Variants in NRXN3 observed in about 807,000 individuals in gnomAD.
The protein encoded by NRXN3 is neurexin 3.
Under a neutral mutation model 137.6 loss-of-function variants are expected in NRXN3, and 32 were observed. That is an observed-to-expected ratio of 0.23 (90% CI 0.18 to 0.31). NRXN3 has a LOEUF of 0.31. Ranked by LOEUF, NRXN3 falls within the 10% of genes least tolerant of loss-of-function variation. NRXN3 has a pLI of 1.00. For synonymous variants in NRXN3, 798 were observed against 784.5 expected (o/e 1.02, Z -0.29); for missense variants, 1,574 against 2,062.5 (o/e 0.76, Z 4.59).
chr14:79,697,622 C>T lies in NRXN3; in HGVS notation c.3707-8C>T. 1 of 1,609,046 alleles carries T rather than the reference C, an allele frequency of 6.2e-7. No individual in the cohort carries two copies. The highest frequency in any genetic ancestry group is 8.5e-7 in the Non-Finnish European group (1 of 1,176,768). On this transcript the variant is annotated splice_polypyrimidine_tract_variant and splice_region_variant and intron_variant, in intron 18 of 20. Coordinates refer to ENST00000335750, the MANE Select transcript of NRXN3 (RefSeq NM_001330195.2). The stretch of plus-strand genomic sequence containing the variant: ...GAATAATAATGTTTCCTCCACCCAA[C>T]CCACTAGGCCGGCAGTTAACCATCT...
intron 16 of NRXN3, among the ~76,000 whole-genome samples, chr14:79,477,641 G>A (rs999423980): frequency 5.3e-5 from 8 of 152,094 alleles, no homozygotes; most frequent in Non-Finnish European, 1.0e-4. Flanking sequence ...TTTAGAAGAA[G>A]ATGAAATGCC....
intron 16 of NRXN3, among the ~76,000 whole-genome samples, chr14:79,620,154 A>G (rs375848081): frequency 2.4e-4 from 37 of 152,262 alleles, no homozygotes; most frequent in African/African-American, 8.9e-4. Context: ...GCACGATTGA[A>G]TAATTTCCAG....
chr14:79,109,342 A>G (rs535038632), intron 15 of NRXN3, among the ~76,000 whole-genome samples: 15 of 152,310 alleles, frequency 9.8e-5, no homozygotes, highest in Non-Finnish European at 1.9e-4. Context: ...GAAGAACTAG[A>G]TAATTCTATT....
chr14:78,787,629 T>C (rs554869167), intron 8 of NRXN3, among the ~76,000 whole-genome samples: 6 of 152,284 alleles, frequency 3.9e-5, no homozygotes, highest in African/African-American at 1.4e-4. Flanking sequence ...GTAAATGTAT[T>C]CTCTGGAATA....
At chr14:78,298,483 T>C (rs755223981) in intron 4 of NRXN3, among the ~76,000 whole-genome samples, 4 of 152,212 alleles carry the variant, frequency 2.6e-5, no homozygotes, top group African/African-American at 4.8e-5. Flanking sequence ...GATCTGTAAA[T>C]TCAGCATCTG....
At chr14:78,983,866 A>G (rs1042172379) in intron 14 of NRXN3, among the ~76,000 whole-genome samples, 4 of 146,126 alleles carry the variant, frequency 2.7e-5, no homozygotes, top group African/African-American at 7.6e-5. Context: ...AAAAAAAAAA[A>G]AAAAAAGAAA....
intron 17 of NRXN3, among the ~76,000 whole-genome samples, chr14:79,691,577 C>T (rs2098716779): frequency 6.6e-6 from 1 of 151,990 alleles, no homozygotes; most frequent in African/African-American, 2.4e-5. Flanking sequence ...ACCTCTTTGA[C>T]AAAGATAATG....
chr14:78,390,384 G>A (rs1455247591), intron 4 of NRXN3, among the ~76,000 whole-genome samples: 2 of 152,154 alleles, frequency 1.3e-5, no homozygotes, highest in Admixed American at 1.3e-4. Flanking sequence ...AGCCTAATCT[G>A]CTTTGCTGCC....
At chr14:79,286,001 G>T (rs2082188466) in intron 15 of NRXN3, among the ~76,000 whole-genome samples, 1 of 152,112 alleles carries the variant, frequency 6.6e-6, no homozygotes, top group South Asian at 2.1e-4. Context: ...AAATTCATAA[G>T]ATAGTGCCCT....
In NRXN3 at chr14:79,205,482, T is replaced by C. The variant is rs559041059; in HGVS notation, c.3262+217341T>C. Among the ~76,000 whole-genome samples, 12 of 152,326 alleles carry C rather than the reference T, an allele frequency of 7.9e-5. No individual in the cohort carries two copies. In the South Asian group the frequency reaches 1.4e-3, roughly 18 times the overall value. ...CTAAAAAGTTTGTTACTCAATCTTA[T>C]CACCATAGTTCAGCACAAAGTTAAT... On this transcript the variant is annotated intron_variant, in intron 15 of 20. Transcript: ENST00000335750.
At chr14:78,676,492 G>C (rs956121793) in intron 6 of NRXN3, among the ~76,000 whole-genome samples, 1 of 152,114 alleles carries the variant, frequency 6.6e-6, no homozygotes, top group African/African-American at 2.4e-5. Context: ...TGAAGGCTGA[G>C]AGAGGTGAGG....
In NRXN3 at chr14:79,415,138, G is replaced by A. The variant is rs1036187954; in HGVS notation, c.3263-52083G>A. On this transcript the variant is annotated intron_variant, in intron 15 of 20. Coordinates refer to ENST00000335750, the MANE Select transcript of NRXN3 (RefSeq NM_001330195.2). ...ATTTTCTTTGTCCATTCATCTGCACGGACACTCAGGTTGATATAATGTCTT... is the reference window on the plus strand; with the variant it reads ...ATTTTCTTTGTCCATTCATCTGCACAGACACTCAGGTTGATATAATGTCTT... 1.4e-4 allele frequency among the ~76,000 whole-genome samples: 21 copies of A among 152,030 alleles called. No individual in the cohort carries two copies. In the South Asian group the frequency reaches 2.1e-3, roughly 15 times the overall value.
chr14:79,861,394 C>G lies in NRXN3; in HGVS notation c.4146C>G (p.Pro1382=). ...IFEGGYKAHA[P]KWESKDFRPN... Reference sequence around the variant, plus strand: ...AAGGTGGCTACAAAGCACATGCGCCCAAGTGGGAATCCAAGGACTTTAGAC... The same window carrying G: ...AAGGTGGCTACAAAGCACATGCGCCGAAGTGGGAATCCAAGGACTTTAGAC... The change falls in exon 21 of 21, where the codon CCC becomes CCG. Residue 1382 remains proline (P), a synonymous_variant. Transcript: ENST00000335750. The surrounding 1 kb of genome is among the most constrained non-coding windows in gnomAD (Gnocchi z 5.4). 6.5e-7 allele frequency: 1 copy of G among 1,536,218 alleles called. No homozygotes were observed. The highest frequency in any genetic ancestry group is 8.7e-7 in the Non-Finnish European group (1 of 1,146,938).
At chr14:78,709,744 C>A in intron 7 of NRXN3, 89 bp downstream of exon 7, 1 of 1,176,488 alleles carries the variant, frequency 8.5e-7, no homozygotes, top group Non-Finnish European at 1.2e-6. Context: ...TAATTTTCAC[C>A]CTTGCATGCT....
chr14:79,391,905 A>G (rs891353898), intron 15 of NRXN3, among the ~76,000 whole-genome samples: 1 of 152,114 alleles, frequency 6.6e-6, no homozygotes, highest in African/African-American at 2.4e-5. Context: ...CTCAGAGGAG[A>G]GTGTTTAGAA....
rs561270759 is a variant in NRXN3 at position 79,645,963 on chromosome 14, G to C, written c.3445-17815G>C. On this transcript the variant is annotated intron_variant, in intron 16 of 20. Coordinates refer to ENST00000335750, the MANE Select transcript of NRXN3 (RefSeq NM_001330195.2). ...ATCCTACTGGGACCTCCTCCCACCA[G>C]TGCCACTTTACTGGAGGCTTGTGAT... Among the ~76,000 whole-genome samples, 16 of 136,034 alleles carry C rather than the reference G, an allele frequency of 1.2e-4. 2 individuals are homozygous for C. Among genetic ancestry groups the C allele is most frequent in the African/African-American group, 3.9e-4 (16 of 40,906 alleles). The allele number at this position is 136,034 out of a possible 152,430, so 89.2% of individuals were successfully genotyped here.
chr14:79,047,133 G>A (rs1354701930), intron 15 of NRXN3, among the ~76,000 whole-genome samples: 7 of 137,290 alleles, frequency 5.1e-5, no homozygotes, highest in African/African-American at 1.7e-4. Context: ...CTCCCTTCCC[G>A]CCCCACCCCC....
intron 16 of NRXN3, among the ~76,000 whole-genome samples, chr14:79,503,349 G>T (rs1428029601): frequency 6.6e-6 from 1 of 152,078 alleles, no homozygotes; most frequent in Non-Finnish European, 1.5e-5. Flanking sequence ...AGAATTTACA[G>T]ATCTTCTTGA....
At chr14:79,775,553 G>GAAAAA (rs749252781) in intron 19 of NRXN3, among the ~76,000 whole-genome samples, 1 of 69,014 alleles carries the variant, frequency 1.4e-5, no homozygotes, top group Non-Finnish European at 3.0e-5. Context: ...GGCTCTAACC[G>GAAAAA]AAAAAAAAAA....
Sources: gnomAD v4.1 joint callset for allele counts (sites outside exome capture counted in the v4.1 genomes callset) on GRCh38, gnomAD v4.1.1 for gene constraint, Gnocchi (gnomAD v3.1) non-coding constraint, MANE v1.5 for transcripts, NCBI Gene and HGNC (gene_info 2026-07-23, HGNC 2026-07-21) for gene names.